Variants in SEMA5A observed in about 807,000 individuals in gnomAD.
SEMA5A encodes semaphorin 5A.
A neutral mutation model predicts 135.5 loss-of-function variants in SEMA5A; 55 were observed. The observed-to-expected ratio is 0.41, with a 90% CI of 0.33 to 0.51. The LOEUF (loss-of-function observed/expected upper bound fraction) is 0.51. SEMA5A is among the 20% of genes least tolerant of loss of function. SEMA5A has a pLI of 0.37. For missense variants in SEMA5A, 1,290 were observed against 1,419.9 expected, an observed-to-expected ratio of 0.91 and a Z score of 1.47; for synonymous variants, 580 against 546.5, an observed-to-expected ratio of 1.06 and a Z score of -0.85.
intron 1 of SEMA5A, among the ~76,000 whole-genome samples, chr5:9,504,848 C>T (rs1425487961): frequency 6.6e-6 from 1 of 152,236 alleles, no homozygotes; most frequent in East Asian, 1.9e-4. Flanking sequence ...ATGGCAAGGG[C>T]CAAAGCATCG....
At position 9,123,258 on chromosome 5, in the gene SEMA5A, C is replaced by CAAAAAAAAA. The variant is rs57533658; in HGVS notation, c.1600-430_1600-422dup. On this transcript the variant is annotated intron_variant, in intron 13 of 22. Coordinates refer to ENST00000382496, the MANE Select transcript of SEMA5A (RefSeq NM_003966.3). The stretch of plus-strand genomic sequence containing the variant: ...TGAGGGAAGGAGCGAGACTCCGCCT[C>CAAAAAAAAA]AAAAAAAAAAAAAAAAAAAAAAAAA... Among the ~76,000 whole-genome samples the CAAAAAAAAA allele has an allele frequency of 1.3e-3, 49 of 38,944 alleles. 7 individuals are homozygous for CAAAAAAAAA. Among genetic ancestry groups the CAAAAAAAAA allele is most frequent in the Non-Finnish European group, 2.3e-3 (37 of 15,802 alleles). The allele number at this position is 38,944 out of a possible 152,430, so 25.5% of individuals were successfully genotyped here. A position where few individuals can be genotyped will look rare whatever the true frequency, so the allele number is the denominator to read the frequency against.
At chr5:9,274,787 AACAAAGAC>A (rs1394512818) in intron 5 of SEMA5A, among the ~76,000 whole-genome samples, 1 of 152,188 alleles carries the variant, frequency 6.6e-6, no homozygotes, top group African/African-American at 2.4e-5. Flanking sequence ...AACCAATGAG[AACAAAGAC>A]ACAATGTACC....
At chr5:9,441,782 A>G (rs1758246706) in intron 1 of SEMA5A, among the ~76,000 whole-genome samples, 1 of 152,166 alleles carries the variant, frequency 6.6e-6, no homozygotes, top group African/African-American at 2.4e-5. Context: ...ACTACCTGCA[A>G]GATCACTCAC....
chr5:9,523,950 T>A (rs969053003), intron 1 of SEMA5A, among the ~76,000 whole-genome samples: 9 of 152,168 alleles, frequency 5.9e-5, no homozygotes, highest in African/African-American at 4.8e-5. Context: ...TAAGATGAGG[T>A]CTAATATGCT....
intron 1 of SEMA5A, among the ~76,000 whole-genome samples, chr5:9,454,538 C>A (rs1758760546): frequency 6.6e-6 from 1 of 152,160 alleles, no homozygotes; most frequent in Admixed American, 6.5e-5. Flanking sequence ...ACAGAACAGC[C>A]AGTGCTGTTT....
chr5:9,397,281 T>C (rs965717327), intron 2 of SEMA5A, among the ~76,000 whole-genome samples: 1 of 152,232 alleles, frequency 6.6e-6, no homozygotes, highest in African/African-American at 2.4e-5. Flanking sequence ...CACTTTCATA[T>C]TGAAATATAA....
intron 8 of SEMA5A, among the ~76,000 whole-genome samples, chr5:9,203,238 AT>A (rs3839320): frequency 0.087 from 13,234 of 152,212 alleles, 962 homozygotes; most frequent in African/African-American, 0.18. Flanking sequence ...AAGTATCTTA[AT>A]TTTCTGGTGC....
chr5:9,154,063 ATATATATATATATATAT>A (rs374444325), intron 12 of SEMA5A, among the ~76,000 whole-genome samples: 9 of 75,524 alleles, frequency 1.2e-4, no homozygotes, highest in South Asian at 5.2e-4. Flanking sequence ...AAAAAAAAAA[ATATATATATATATATAT>A]ATATATATAT....
intron 1 of SEMA5A, among the ~76,000 whole-genome samples, chr5:9,518,700 A>G (rs1736657195): frequency 6.6e-6 from 1 of 152,154 alleles, no homozygotes; most frequent in African/African-American, 2.4e-5. Context: ...TTCAGATCAG[A>G]TGTTACTTCC....
In SEMA5A at chr5:9,119,029, G is replaced by A. The variant is rs916165404; in HGVS notation, c.1894C>T (p.Arg632Trp). ...TCGCGGTTCTGTCCCACGCACACCCGGCCCCCGTGCCTGGGAGTGGGGTTG... is the reference window on the plus strand; with the variant it reads ...TCGCGGTTCTGTCCCACGCACACCCAGCCCCCGTGCCTGGGAGTGGGGTTG... ...CSNPTPRHGG[R>W]VCVGQNREER... Residue 632 changes from arginine to tryptophan, a missense_variant, in exon 15 of 23, where the codon CGG becomes TGG. Arg to Trp is a moderately radical substitution (Grantham distance 101). Around this residue, in one of 3 missense-constraint regions of SEMA5A, gnomAD observed 1,029 missense variants for 1,086.6 expected, o/e 0.95. Transcript: ENST00000382496. 3 of 1,613,552 alleles carry A rather than the reference G, an allele frequency of 1.9e-6. No homozygotes were observed. The highest frequency in any genetic ancestry group is 1.7e-4 in the Middle Eastern group (1 of 6,014).
intron 8 of SEMA5A, among the ~76,000 whole-genome samples, chr5:9,207,617 CT>C (rs1746102905): frequency 6.6e-6 from 1 of 152,116 alleles, no homozygotes; most frequent in Non-Finnish European, 1.5e-5. Flanking sequence ...TACAAAATGC[CT>C]TCCATAAGCA....
intron 5 of SEMA5A, among the ~76,000 whole-genome samples, chr5:9,251,193 C>T (rs1432283053): frequency 6.6e-6 from 1 of 152,140 alleles, no homozygotes; most frequent in Non-Finnish European, 1.5e-5. Flanking sequence ...TGACTCTAGT[C>T]AGAAGCTGGC....
At chr5:9,229,550 C>A (rs1747503068) in intron 6 of SEMA5A, among the ~76,000 whole-genome samples, 1 of 152,078 alleles carries the variant, frequency 6.6e-6, no homozygotes, top group Non-Finnish European at 1.5e-5. Flanking sequence ...TCTTCCAGAA[C>A]ACAGGGCTGA....
At chr5:9,125,655 AT>A (rs371043148) in intron 13 of SEMA5A, among the ~76,000 whole-genome samples, 75 of 151,864 alleles carry the variant, frequency 4.9e-4, no homozygotes, top group African/African-American at 1.8e-3. Context: ...AGAGGAAAAT[AT>A]CCCCATTTCC....
intron 16 of SEMA5A, among the ~76,000 whole-genome samples, chr5:9,099,025 A>C (rs1267564153): frequency 1.3e-5 from 2 of 152,188 alleles, no homozygotes; most frequent in East Asian, 1.9e-4. Context: ...ATTATAAATA[A>C]AACATTTTTG....
intron 3 of SEMA5A, among the ~76,000 whole-genome samples, chr5:9,342,157 T>G (rs1753681935): frequency 1.3e-5 from 2 of 151,724 alleles, no homozygotes; most frequent in Admixed American, 6.6e-5. Context: ...AAAGCTACTC[T>G]TTTAAAAAAA....
chr5:9,347,595 T>C (rs905774878), intron 3 of SEMA5A, among the ~76,000 whole-genome samples: 1 of 152,094 alleles, frequency 6.6e-6, no homozygotes, highest in African/African-American at 2.4e-5. Flanking sequence ...ATAAAATGTA[T>C]CCATAATGTA....
intron 18 of SEMA5A, among the ~76,000 whole-genome samples, chr5:9,062,305 G>T (rs1737226726): frequency 6.6e-6 from 1 of 152,108 alleles, no homozygotes; most frequent in African/African-American, 2.4e-5. Flanking sequence ...AAAGTTGCAT[G>T]CTTGTCTGAA....
chr5:9,518,718 A>T (rs1579673973), intron 1 of SEMA5A, among the ~76,000 whole-genome samples: 1 of 152,274 alleles, frequency 6.6e-6, no homozygotes, highest in East Asian at 1.9e-4. Context: ...TCCTTTTCAG[A>T]CGAGCTTGTG....
Sources: allele counts gnomAD v4.1 joint callset (sites outside exome capture counted in the v4.1 genomes callset), GRCh38; gene constraint gnomAD v4.1.1; regional missense constraint gnomAD v4.1.1; transcripts MANE v1.5; gene names NCBI Gene and HGNC (gene_info 2026-07-23, HGNC 2026-07-21).